The following SEZ6L variants were observed in gnomAD, a reference collection of about 807,000 sequenced individuals.
SEZ6L encodes seizure 6-like protein.
In SEZ6L, 37 loss-of-function variants were observed where a neutral mutation model predicts 106.2. The observed-to-expected ratio is 0.35, with a 90% CI of 0.27 to 0.46. SEZ6L has a LOEUF of 0.46. Among genes scored for constraint, SEZ6L ranks in the 20% least tolerant of loss-of-function variants. The probability of loss-of-function intolerance (pLI) is 1.00; values close to 1 mark genes in which losing one functional copy is unlikely to be tolerated. For missense variants in SEZ6L, 1,172 were observed against 1,332.8 expected (o/e 0.88, Z 1.88); for synonymous variants, 541 against 570.4 (o/e 0.95, Z 0.73).
chr22:26,330,762 G>A (rs936750128), intron 9 of SEZ6L, among the ~76,000 whole-genome samples: 181 of 152,140 alleles, frequency 1.2e-3, no homozygotes, highest in Non-Finnish European at 2.4e-4. Flanking sequence ...CCGAAACTGC[G>A]TGTAAATTGG....
At chr22:26,209,849 A>C (rs915104783) in intron 1 of SEZ6L, among the ~76,000 whole-genome samples, 6 of 147,888 alleles carry the variant, frequency 4.1e-5, no homozygotes, top group Admixed American at 4.1e-4. Flanking sequence ...GGAAGGAAGG[A>C]ATGAAGGAAA....
chr22:26,288,393 T>C (rs1170096093), intron 1 of SEZ6L, among the ~76,000 whole-genome samples: 1 of 151,976 alleles, frequency 6.6e-6, no homozygotes, highest in East Asian at 1.9e-4. Flanking sequence ...TTCTGTGGAG[T>C]TGGGGTTGGA....
intron 13 of SEZ6L, among the ~76,000 whole-genome samples, chr22:26,372,369 T>A (rs2084066185): frequency 6.6e-6 from 1 of 152,194 alleles, no homozygotes; most frequent in Admixed American, 6.5e-5. Context: ...TCAACCACGG[T>A]GCAACTCACA....
In SEZ6L at chr22:26,350,238, AT is replaced by A. The variant is rs1393850759; in HGVS notation, c.2408-807del. 2.7e-5 allele frequency among the ~76,000 whole-genome samples: 4 copies of A among 149,116 alleles called. No individual in the cohort carries two copies. The East Asian group carries it at 5.9e-4, about 22-fold the overall frequency. On this transcript the variant is annotated intron_variant, in intron 11 of 16. Coordinates refer to ENST00000248933, the MANE Select transcript of SEZ6L (RefSeq NM_021115.5). ...TATATATATATATATATTTATATGTATTTTTTTGAGGCAAGGTCTCACTCTG... is the reference window on the plus strand; with the variant it reads ...TATATATATATATATATTTATATGTATTTTTTGAGGCAAGGTCTCACTCTG...
chr22:26,173,790 C>G (rs1218537489), intron 1 of SEZ6L, among the ~76,000 whole-genome samples: 6 of 152,202 alleles, frequency 3.9e-5, no homozygotes, highest in Admixed American at 3.3e-4. Context: ...GCTTTGCAGA[C>G]AGCCACTTTC....
At chr22:26,279,857 G>A (rs546162977) in intron 1 of SEZ6L, among the ~76,000 whole-genome samples, 14 of 152,226 alleles carry the variant, frequency 9.2e-5, no homozygotes, top group African/African-American at 2.6e-4. Flanking sequence ...TGCTCCCCAC[G>A]GAAATGTGAG....
At chr22:26,313,248 C>T (rs1344186406) in intron 8 of SEZ6L, among the ~76,000 whole-genome samples, 1 of 152,190 alleles carries the variant, frequency 6.6e-6, no homozygotes, top group African/African-American at 2.4e-5. Context: ...CATTCATGAG[C>T]TTAAGCCTCA....
intron 5 of SEZ6L, among the ~76,000 whole-genome samples, chr22:26,304,366 AAAGAAGAAAGAAAG>A (rs2081552447): frequency 1.2e-5 from 1 of 85,318 alleles, no homozygotes; most frequent in Non-Finnish European, 2.3e-5. Context: ...AAAAAAAAAG[AAAGAAGAAAGAAAG>A]AAAGAAAGAA....
chr22:26,374,440 C>T (rs1051214937), intron 14 of SEZ6L, among the ~76,000 whole-genome samples: 1 of 151,922 alleles, frequency 6.6e-6, no homozygotes, highest in Non-Finnish European at 1.5e-5. Flanking sequence ...AACTAGGGCT[C>T]ATATATAAAT....
At chr22:26,180,177 C>T (rs1250400663) in intron 1 of SEZ6L, among the ~76,000 whole-genome samples, 1 of 152,220 alleles carries the variant, frequency 6.6e-6, no homozygotes, top group Non-Finnish European at 1.5e-5. Flanking sequence ...ACAGCAATCG[C>T]CACTGATGGT....
intron 9 of SEZ6L, among the ~76,000 whole-genome samples, chr22:26,324,258 G>T (rs2082245004): frequency 6.6e-6 from 1 of 152,180 alleles, no homozygotes; most frequent in African/African-American, 2.4e-5. Flanking sequence ...CAGGGAAAAA[G>T]TCTCAATCAG....
chr22:26,296,322 C>T (rs908335625), intron 3 of SEZ6L, among the ~76,000 whole-genome samples: 2 of 151,928 alleles, frequency 1.3e-5, no homozygotes, highest in Non-Finnish European at 2.9e-5. Context: ...GAAATGAGGC[C>T]CCCACCCCTC....
chr22:26,323,076 G>A (rs2082202281), intron 9 of SEZ6L, among the ~76,000 whole-genome samples: 1 of 152,234 alleles, frequency 6.6e-6, no homozygotes, highest in Admixed American at 6.5e-5. Context: ...CACAGCAAGA[G>A]AGGACCAGAA....
intron 7 of SEZ6L, 120 bp downstream of exon 7, chr22:26,310,956 G>A (rs529569910): frequency 2.1e-6 from 2 of 965,590 alleles, no homozygotes; most frequent in African/African-American, 3.3e-5. Flanking sequence ...ATGGCCATGT[G>A]GATCCTTTGG....
chr22:26,371,324 G>A (rs2084028223), intron 13 of SEZ6L, among the ~76,000 whole-genome samples: 1 of 152,306 alleles, frequency 6.6e-6, no homozygotes, highest in Middle Eastern at 3.4e-3. Flanking sequence ...TGTCCTGGAT[G>A]TCACCAAATC....
intron 1 of SEZ6L, among the ~76,000 whole-genome samples, chr22:26,198,745 G>C (rs543600570): frequency 1.3e-5 from 2 of 152,326 alleles, no homozygotes; most frequent in South Asian, 4.1e-4. Context: ...TTTTATAAGG[G>C]CTCTGATCCC....
chr22:26,234,783 A>G (rs2078908356), intron 1 of SEZ6L, among the ~76,000 whole-genome samples: 1 of 152,258 alleles, frequency 6.6e-6, no homozygotes, highest in South Asian at 2.1e-4. Flanking sequence ...TCCTCAGTCT[A>G]GAAGGGACAC....
At chr22:26,353,686 C>G (rs887301570) in intron 12 of SEZ6L, among the ~76,000 whole-genome samples, 10 of 152,350 alleles carry the variant, frequency 6.6e-5, no homozygotes, top group African/African-American at 2.4e-4. Context: ...TCTTCGCCAT[C>G]CTAACCCATG....
intron 1 of SEZ6L, among the ~76,000 whole-genome samples, chr22:26,189,739 A>G (rs561959857): frequency 2.0e-5 from 3 of 152,256 alleles, no homozygotes; most frequent in African/African-American, 7.2e-5. Context: ...GGGGTCCTGG[A>G]ACGAGTCTCA....
Sources: allele counts gnomAD v4.1 joint callset (sites outside exome capture counted in the v4.1 genomes callset), GRCh38; gene constraint gnomAD v4.1.1; transcripts MANE v1.5; gene names NCBI Gene and HGNC (gene_info 2026-07-23, HGNC 2026-07-21).